Variants in JAK3 observed in about 807,000 individuals in gnomAD.
JAK3 encodes tyrosine-protein kinase JAK3.
JAK3 carries 88 observed loss-of-function variants against 120.8 expected under a neutral mutation model. That is an observed-to-expected ratio of 0.73 (90% CI 0.61 to 0.87). The LOEUF (loss-of-function observed/expected upper bound fraction) is 0.87. JAK3 is among the 40% of genes least tolerant of loss of function. The pLI is 0.00. For synonymous variants in JAK3, 592 were observed against 628.6 expected, an observed-to-expected ratio of 0.94 and a Z score of 0.87; for missense variants, 1,254 against 1,501.4, an observed-to-expected ratio of 0.84 and a Z score of 2.72.
chr19:17,830,614 G>C lies in JAK3; in HGVS notation c.2985C>G (p.Ala995=), dbSNP rs1382312413. The part of the protein sequence containing the change: ...EPGQSPIFWY[A]PESLSDNIFS... ...AGATGTTGTCCGAGAGGGATTCGGG[G>C]GCATACCTGGAGAGGGGACAAGGTC... The change falls in exon 22 of 24, where the codon GCC becomes GCG. Residue 995 remains alanine (A), a synonymous_variant. Coordinates refer to ENST00000458235, the MANE Select transcript of JAK3 (RefSeq NM_000215.4). 10 of 1,613,126 alleles carry C rather than the reference G, an allele frequency of 6.2e-6. No individual in the cohort carries two copies. In the African/African-American group the frequency reaches 6.7e-5, roughly 11 times the overall value.
chr19:17,841,657 T>C lies in JAK3; in HGVS notation c.967A>G (p.Thr323Ala). Residue 323 changes from threonine to alanine, a missense_variant, in exon 7 of 24, where the codon ACA (threonine) becomes GCA (alanine). This residue lies in a region of JAK3 where 486 missense variants were observed against 503.0 expected (regional missense o/e 0.97). Transcript: ENST00000458235. This position sits in a 1 kb window ranked among gnomAD's most constrained non-coding sequence, Gnocchi z 4.1. ...GCACCCACTAAAATCTGGTTGTCTG[T>C]CCTGGTAACAGTGACCAGGCGGTGC... ...GEHRLVTVTR[T>A]DNQILEAEFP... The C allele has an allele frequency of 6.2e-7, 1 of 1,613,976 alleles. No individual in the cohort carries two copies. The highest frequency in any genetic ancestry group is 1.7e-5 in the Admixed American group (1 of 60,010).
At position 17,843,176 on chromosome 19, in the gene JAK3, G is replaced by T; in HGVS notation, c.421-4C>A. 2.5e-6 allele frequency: 4 copies of T among 1,602,540 alleles called. No individual in the cohort carries two copies. The highest frequency in any genetic ancestry group is 2.5e-6 in the Non-Finnish European group (3 of 1,177,634). On this transcript the variant is annotated splice_region_variant and splice_polypyrimidine_tract_variant and intron_variant, in intron 4 of 23. Transcript: ENST00000458235. The surrounding 1 kb of genome is among the most constrained non-coding windows in gnomAD (Gnocchi z 5.4). ...CACTCACCAGGTCACTGCGGTGCTG[G>T]GGGGCCGCCACAGGGAGCATCAGCT...
At chr19:17,828,226 TTTGTTTTGTTTTGTTTTGTTTTGTTTTG>T (rs1485622905) in intron 23 of JAK3, among the ~76,000 whole-genome samples, 1 of 17,556 alleles carries the variant, frequency 5.7e-5, no homozygotes, top group African/African-American at 1.4e-4. Flanking sequence ...TAATTTTGTC[TTTGTTTTGTTTTGTTTTGTTTTGTTTTG>T]TTTTGTTTTG....
Position 17,824,815 on chromosome 19 carries a change from C to T in JAK3, c.*1928G>A. 1 of 196,728 alleles carries T rather than the reference C, an allele frequency of 5.1e-6. No homozygotes were observed. The highest frequency in any genetic ancestry group is 1.1e-5 in the Non-Finnish European group (1 of 94,794). 12.2% of individuals were successfully genotyped at this position (196,728 alleles called of 1,614,324 possible). On this transcript the variant is annotated 3_prime_UTR_variant, in exon 24 of 24. Coordinates refer to ENST00000458235, the MANE Select transcript of JAK3 (RefSeq NM_000215.4). ...TGAATTCCTTTATTCAGTCAACAAACATTTCCAGAGCCCCCTCTGTACTGA... is the reference window on the plus strand; with the variant it reads ...TGAATTCCTTTATTCAGTCAACAAATATTTCCAGAGCCCCCTCTGTACTGA...
Position 17,843,019 on chromosome 19 carries a change from G to C in JAK3, c.566+8C>G. ...CAGAGGCCGTCCCCACAGCCTGGTG[G>C]CTCTCACCTGACAGTCTTCAGCAGC... is the stretch of plus-strand genomic sequence containing the variant. On this transcript the variant is annotated splice_region_variant and intron_variant, in intron 5 of 23. Coordinates refer to ENST00000458235, the MANE Select transcript of JAK3 (RefSeq NM_000215.4). The surrounding 1 kb of genome is among the most constrained non-coding windows in gnomAD (Gnocchi z 5.4). 1 of 1,609,566 alleles carries C rather than the reference G, an allele frequency of 6.2e-7. No homozygotes were observed. The highest frequency in any genetic ancestry group is 8.5e-7 in the Non-Finnish European group (1 of 1,179,690).
intron 22 of JAK3, 76 bp downstream of exon 22, chr19:17,830,427 G>C (rs1008186491): frequency 3.3e-6 from 4 of 1,203,756 alleles, no homozygotes. Flanking sequence ...AGGGACGCAG[G>C]CGCAGACAGG....
chr19:17,837,126 C>A lies in JAK3; in HGVS notation c.1786+3G>T. The A allele has an allele frequency of 3.2e-6, 5 of 1,547,944 alleles. No homozygotes were observed. Among genetic ancestry groups the A allele is most frequent in the Non-Finnish European group, 3.5e-6 (4 of 1,146,072 alleles). ...GTGGGGTGGGTGGGTGGGGGGCTCT[C>A]ACTGTCTCCAGCCATGCACACGCCG... On this transcript the variant is annotated splice_donor_region_variant and intron_variant, in intron 13 of 23. Transcript: ENST00000458235.
In JAK3 at chr19:17,830,164, A is replaced by G. The variant is rs1297340053; in HGVS notation, c.3151T>C (p.Leu1051=). 4 of 1,596,642 alleles carry G rather than the reference A, an allele frequency of 2.5e-6. No individual in the cohort carries two copies. Among genetic ancestry groups the G allele is most frequent in the Non-Finnish European group, 3.4e-6 (4 of 1,172,758 alleles). Residue 1051 remains leucine (L), a synonymous_variant, in exon 23 of 24, where the codon TTG becomes CTG. Transcript: ENST00000458235. ...ERDVPALCRL[L]ELLEEGQRLP... ...CTCTGGCCCTCCTCCAGCAGTTCCA[A>G]GAGGCGGCAGAGGGCGGGGACATCC...
rs202027945 is a variant in JAK3, at chr19:17,834,699, C to T, written c.2222G>A (p.Arg741Gln). 18 of 1,614,122 alleles carry T rather than the reference C, an allele frequency of 1.1e-5. No homozygotes were observed. The highest frequency in any genetic ancestry group is 4.4e-5 in the South Asian group (4 of 91,070). Residue 741 changes from arginine (R) to glutamine (Q), a missense_variant, in exon 17 of 24, where the codon CGG (arginine) becomes CAG (glutamine). Arg to Gln is a conservative substitution (Grantham distance 43). Around this residue, in one of 3 missense-constraint regions of JAK3, gnomAD observed 630 missense variants for 819.8 expected, o/e 0.77. Coordinates refer to ENST00000458235, the MANE Select transcript of JAK3 (RefSeq NM_000215.4). ...PAKKLQFYED[R>Q]QQLPAPKWTE... ...CCACTTGGGGGCCGGCAGCTGCTGC[C>T]GGTCCTCATAAAATTGGAGTTTCTG...
Position 17,839,648 on chromosome 19 carries a change from C to T in JAK3, c.1270G>A (p.Asp424Asn). Residue 424 changes from aspartate to asparagine, a missense_variant, in exon 10 of 24, where the codon GAT (aspartate) becomes AAT (asparagine). By Grantham distance (23) the Asp-to-Asn change is conservative (BLOSUM62 1). Transcript: ENST00000458235. ...CGCCGGATGAGGCAGCCCTTATAAT[C>T]AGGACCAAGGGGGTTCTGCAAAGAA... ...TVCVQNPLGP[D>N]YKGCLIRRSP... The T allele has an allele frequency of 6.2e-7, 1 of 1,610,598 alleles. No homozygotes were observed. Among genetic ancestry groups the T allele is most frequent in the South Asian group, 1.1e-5 (1 of 90,020 alleles).
rs201657999 is a variant in JAK3 at position 17,841,434 on chromosome 19, G to T, written c.1097C>A (p.Pro366Gln). 1 of 1,554,156 alleles carries T rather than the reference G, an allele frequency of 6.4e-7. No individual in the cohort carries two copies. The highest frequency in any genetic ancestry group is 8.7e-7 in the Non-Finnish European group (1 of 1,148,832). Reference sequence around the variant, plus strand: ...CTCGGCCACTTCCTCCAGCAGCCTCGGCGGTGCCACCTCCTTGCAGAAGAA... The same window carrying T: ...CTCGGCCACTTCCTCCAGCAGCCTCTGCGGTGCCACCTCCTTGCAGAAGAA... ...QHFFCKEVAP[P>Q]RLLEEVAEQC... The change falls in exon 8 of 24, where the codon CCG becomes CAG. Residue 366 changes from proline (P) to glutamine (Q), a missense_variant. Pro to Gln is a moderately conservative substitution (Grantham distance 76). Around this residue, in one of 3 missense-constraint regions of JAK3, gnomAD observed 486 missense variants for 503.0 expected, o/e 0.97. Transcript: ENST00000458235. This position sits in a 1 kb window ranked among gnomAD's most constrained non-coding sequence, Gnocchi z 4.1.
chr19:17,836,008 C>G lies in JAK3; in HGVS notation c.1830G>C (p.Met610Ile). 6.2e-7 allele frequency: 1 copy of G among 1,614,132 alleles called. No homozygotes were observed. Among genetic ancestry groups the G allele is most frequent in the Non-Finnish European group, 8.5e-7 (1 of 1,180,040 alleles). Residue 610 changes from methionine (M) to isoleucine (I), a missense_variant, in exon 14 of 24, where the codon ATG becomes ATC. Physicochemically the swap from Met to Ile is conservative, Grantham distance 10. This residue lies in a region of JAK3 where 630 missense variants were observed against 819.8 expected (regional missense o/e 0.77). Coordinates refer to ENST00000458235, the MANE Select transcript of JAK3 (RefSeq NM_000215.4). ...QEFVHLGAID[M>I]YLRKRGHLVP... ...CCAGGTGGCCACGTTTTCGCAGATACATGTCTATGGCCCCCAGGTGTACAA... is the reference window on the plus strand; with the variant it reads ...CCAGGTGGCCACGTTTTCGCAGATAGATGTCTATGGCCCCCAGGTGTACAA...
intron 17 of JAK3, among the ~76,000 whole-genome samples, 190 bp from the exon 18 acceptor site, chr19:17,833,119 G>A (rs536693175): frequency 6.6e-6 from 1 of 152,370 alleles, no homozygotes; most frequent in South Asian, 2.1e-4. Context: ...GGCAAAGGAA[G>A]CCTCCTCGTG....
At chr19:17,828,225 C>CTTTGTTTTGT (rs71967621) in intron 23 of JAK3, among the ~76,000 whole-genome samples, 28 of 137,442 alleles carry the variant, frequency 2.0e-4, no homozygotes, top group South Asian at 4.7e-4. Flanking sequence ...ATAATTTTGT[C>CTTTGTTTTGT]TTTGTTTTGT....
chr19:17,847,183 C>G (rs1200698426), intron 1 of JAK3, among the ~76,000 whole-genome samples: 1 of 152,158 alleles, frequency 6.6e-6, no homozygotes, highest in Non-Finnish European at 1.5e-5. Flanking sequence ...AAGGCATGAG[C>G]CACTGTGCCC....
intron 17 of JAK3, among the ~76,000 whole-genome samples, chr19:17,833,284 G>A (rs1276404542): frequency 6.6e-6 from 1 of 152,134 alleles, no homozygotes; most frequent in African/African-American, 2.4e-5. Context: ...CTGACCCATG[G>A]AAACCTAATA....
At chr19:17,827,049 G>C in intron 23 of JAK3, 139 bp from the exon 24 acceptor site, 2 of 927,284 alleles carry the variant, frequency 2.2e-6, no homozygotes, top group Non-Finnish European at 3.2e-6. Flanking sequence ...GCATGATCTC[G>C]GCTCACTGCA....
At chr19:17,835,813 G>T in intron 14 of JAK3, 111 bp downstream of exon 14, 1 of 1,417,326 alleles carries the variant, frequency 7.1e-7, no homozygotes, top group Non-Finnish European at 9.7e-7. Flanking sequence ...CCCTCCCCTC[G>T]AACCCTTACC....
Position 17,831,880 on chromosome 19 carries a change from T to C in JAK3, c.2681-82A>G, listed in dbSNP as rs2094215235. 1 of 1,562,806 alleles carries C rather than the reference T, an allele frequency of 6.4e-7. No homozygotes were observed. The highest frequency in any genetic ancestry group is 8.8e-7 in the Non-Finnish European group (1 of 1,140,144). On this transcript the variant is annotated intron_variant, in intron 19 of 23. Transcript: ENST00000458235. This position sits in a 1 kb window ranked among gnomAD's most constrained non-coding sequence, Gnocchi z 5.1. ...TCCCCCCTTTCACAGTGGGACCTTG[T>C]GTCCCTCTCGACCTCAGTTTTGCTG...
Sources: allele counts gnomAD v4.1 joint callset (sites outside exome capture counted in the v4.1 genomes callset), GRCh38; gene constraint gnomAD v4.1.1; regional missense constraint gnomAD v4.1.1; non-coding constraint Gnocchi (gnomAD v3.1); transcripts MANE v1.5; gene names NCBI Gene and HGNC (gene_info 2026-07-23, HGNC 2026-07-21).